Variants in PHKA1 observed in about 807,000 individuals in gnomAD.
The protein encoded by PHKA1 is phosphorylase b kinase regulatory subunit alpha, skeletal muscle isoform.
In PHKA1, 60 loss-of-function variants were observed where a neutral mutation model predicts 110.2. That is an observed-to-expected ratio of 0.54 (90% CI 0.44 to 0.68). The LOEUF (loss-of-function observed/expected upper bound fraction) is 0.68. Among genes scored for constraint, PHKA1 ranks in the 30% least tolerant of loss-of-function variants. The pLI is 0.00. For synonymous variants in PHKA1, 316 were observed against 333.6 expected, an observed-to-expected ratio of 0.95 and a Z score of 0.58; for missense variants, 801 against 942.5, an observed-to-expected ratio of 0.85 and a Z score of 1.97.
chrX:72,701,992 T>A (rs1299948465), intron 3 of PHKA1, among the ~76,000 whole-genome samples: 1 of 111,762 alleles, frequency 8.9e-6, no homozygotes. Flanking sequence ...ACAGTTTGGA[T>A]GGAATTCTAA....
At chrX:72,695,608 G>T in intron 4 of PHKA1, 100 bp downstream of exon 4, 1 of 822,632 alleles carries the variant, frequency 1.2e-6, no homozygotes, top group Non-Finnish European at 1.8e-6. Context: ...GTTTCATGAA[G>T]ATCTACCCCA....
At position 72,588,135 on chromosome X, in the gene PHKA1, G is replaced by A. The variant is rs782664599; in HGVS notation, c.3244-3833C>T. On this transcript the variant is annotated intron_variant, in intron 29 of 31. Transcript: ENST00000373542. ...CCAAACCAACGGAATATACATTCTT[G>A]TCAGCACCACATGGCACTTATTCTA... Among the ~76,000 whole-genome samples, 16 of 112,061 alleles carry A rather than the reference G, an allele frequency of 1.4e-4. No individual in the cohort carries two copies. In the South Asian group the frequency reaches 5.9e-3, roughly 42 times the overall value.
In PHKA1 at chrX:72,713,038, C is replaced by T. The variant is rs782534896; in HGVS notation, c.79-101G>A. ...TTTTTTAGGGACTTTGGTCTTTCTT[C>T]TACTTCTCCACTCTTGAGTTTTATA... is the stretch of plus-strand genomic sequence containing the variant. On this transcript the variant is annotated intron_variant, in intron 1 of 31. Transcript: ENST00000373542. The T allele has an allele frequency of 5.8e-5, 49 of 848,859 alleles. No homozygotes were observed. In the African/African-American group the frequency reaches 9.4e-4, roughly 16 times the overall value. The allele number at this position is 848,859 out of a possible 1,213,427, so 70.0% of individuals were successfully genotyped here.
Position 72,627,005 on chromosome X carries a change from G to A in PHKA1, c.1759C>T (p.Arg587Ter), listed in dbSNP as rs1157788242. Residue 587 changes from arginine to a stop codon, truncating the protein, a stop_gained, in exon 17 of 32, where the codon CGA becomes TGA. Coordinates refer to ENST00000373542, the MANE Select transcript of PHKA1 (RefSeq NM_002637.4). LOFTEE classifies it high-confidence loss of function. ...SLNSSILAAL[R>*]KMQDGYFGGA... ...CCAAAATACCCATCTTGCATTTTTC[G>A]GAGTGCTGCCAGGATACTTGAATTC... 3 of 1,207,049 alleles carry A rather than the reference G, an allele frequency of 2.5e-6. No individual in the cohort carries two copies. Among genetic ancestry groups the A allele is most frequent in the South Asian group, 3.5e-5 (2 of 56,741 alleles).
At chrX:72,708,094 A>T (rs1459309487) in intron 2 of PHKA1, among the ~76,000 whole-genome samples, 4 of 111,285 alleles carry the variant, frequency 3.6e-5, no homozygotes, top group Admixed American at 1.9e-4. Flanking sequence ...GCCCATAAAA[A>T]TTTTTGCAGG....
chrX:72,700,586 T>C (rs2054192717), intron 3 of PHKA1, among the ~76,000 whole-genome samples: 1 of 112,223 alleles, frequency 8.9e-6, no homozygotes, highest in South Asian at 3.7e-4. Flanking sequence ...CTAATTGTTA[T>C]GTTAAAATTA....
chrX:72,711,270 G>T (rs115033137), intron 2 of PHKA1, among the ~76,000 whole-genome samples: 209 of 111,958 alleles, frequency 1.9e-3, no homozygotes, highest in African/African-American at 6.6e-3. Flanking sequence ...TACCAGATAT[G>T]AAATTCCAAT....
chrX:72,706,362 A>G (rs2054283422), intron 2 of PHKA1, among the ~76,000 whole-genome samples: 1 of 111,933 alleles, frequency 8.9e-6, no homozygotes. Flanking sequence ...AACATTTATT[A>G]TAAAGCAAGG....
chrX:72,622,508 G>C (rs1342893345), intron 18 of PHKA1: 2 of 752,191 alleles, frequency 2.7e-6, no homozygotes, highest in Non-Finnish European at 3.1e-6. Context: ...CTGTAGGGTA[G>C]TGTTGCTCAG....
intron 5 of PHKA1, among the ~76,000 whole-genome samples, chrX:72,680,727 C>A (rs1191833427): frequency 1.0e-5 from 1 of 99,466 alleles, no homozygotes; most frequent in African/African-American, 3.9e-5. Flanking sequence ...GAAGCGGAGC[C>A]GCTGCCGCGA....
intron 8 of PHKA1, among the ~76,000 whole-genome samples, chrX:72,662,646 C>T (rs782331188): frequency 8.9e-6 from 1 of 111,823 alleles, no homozygotes; most frequent in South Asian, 3.8e-4. Flanking sequence ...GCTAGAAAAA[C>T]AGTCTGGCAG....
intron 28 of PHKA1, 38 bp from the exon 29 acceptor site, chrX:72,593,312 A>G: frequency 9.5e-7 from 1 of 1,057,338 alleles, no homozygotes; most frequent in Non-Finnish European, 1.3e-6. Context: ...ATCAAAAGTT[A>G]TCTCTGTTTC....
At chrX:72,713,031 C>G in intron 1 of PHKA1, 94 bp from the exon 2 acceptor site, 1 of 871,405 alleles carries the variant, frequency 1.1e-6, no homozygotes, top group Non-Finnish European at 1.7e-6. Context: ...GGACTTTGGT[C>G]TTTCTTCTAC....
At chrX:72,681,730 GC>G (rs1556315596) in intron 5 of PHKA1, among the ~76,000 whole-genome samples, 1 of 68,231 alleles carries the variant, frequency 1.5e-5, no homozygotes, top group Non-Finnish European at 2.7e-5. Flanking sequence ...GGGGGGGTCA[GC>G]CCTCCGCCCG....
chrX:72,705,149 C>T, intron 3 of PHKA1, 49 bp downstream of exon 3: 1 of 893,630 alleles, frequency 1.1e-6, no homozygotes, highest in South Asian at 2.0e-5. Flanking sequence ...GGTAGAGATA[C>T]TATTACAATG....
intron 21 of PHKA1, among the ~76,000 whole-genome samples, chrX:72,618,093 C>T (rs1603256641): frequency 8.9e-6 from 1 of 111,758 alleles, no homozygotes; most frequent in East Asian, 2.8e-4. Context: ...AATAAATATT[C>T]CACACCTTCT....
chrX:72,630,710 A>T (rs2053153104), intron 16 of PHKA1, among the ~76,000 whole-genome samples: 1 of 110,090 alleles, frequency 9.1e-6, no homozygotes, highest in South Asian at 3.8e-4. Flanking sequence ...CACTTTCAAG[A>T]TATTTCTTCT....
At chrX:72,615,345 C>T (rs1026954091) in intron 21 of PHKA1, among the ~76,000 whole-genome samples, 1 of 111,697 alleles carries the variant, frequency 9.0e-6, no homozygotes, top group Non-Finnish European at 1.9e-5. Flanking sequence ...CATATGAATA[C>T]TCTATTAATC....
chrX:72,644,323 A>G, intron 14 of PHKA1, 39 bp downstream of exon 14: 1 of 1,194,088 alleles, frequency 8.4e-7, no homozygotes. Context: ...CCTATAATGA[A>G]TAATGCTTTG....
Sources: allele counts gnomAD v4.1 joint callset (sites outside exome capture counted in the v4.1 genomes callset), GRCh38; gene constraint gnomAD v4.1.1; transcripts MANE v1.5; gene names NCBI Gene and HGNC (gene_info 2026-07-23, HGNC 2026-07-21).